AGBL1: variants seen among roughly 807,000 people sequenced by gnomAD.
The protein encoded by AGBL1 is AGBL carboxypeptidase 1, also known as cytosolic carboxypeptidase 4.
A neutral mutation model predicts 118.9 loss-of-function variants in AGBL1; 130 were observed. The ratio of observed to expected loss-of-function variants is 1.09; its 90% CI spans 0.95 to 1.26. The LOEUF (loss-of-function observed/expected upper bound fraction) is 1.26, where lower values mean the gene tolerates loss of function less well. AGBL1 is among the 50% of genes most tolerant of loss of function. AGBL1 has a pLI of 0.00. For missense variants in AGBL1, 1,584 were observed against 1,298.1 expected (o/e 1.22, Z -3.38); for synonymous variants, 555 against 478.9 (o/e 1.16, Z -2.08).
intron 5 of AGBL1, among the ~76,000 whole-genome samples, chr15:86,214,574 A>T (rs1383718935): frequency 6.6e-6 from 1 of 152,246 alleles, no homozygotes; most frequent in Non-Finnish European, 1.5e-5. Context: ...TCACACCTCT[A>T]TGTAGAAAGA....
intron 22 of AGBL1, among the ~76,000 whole-genome samples, chr15:86,793,019 A>G (rs1053653340): frequency 2.6e-5 from 4 of 152,222 alleles, no homozygotes; most frequent in Non-Finnish European, 4.4e-5. Context: ...GTTAAAAAAA[A>G]TAGTAACCGT....
chr15:86,870,744 C>A (rs1302857973), intron 22 of AGBL1, among the ~76,000 whole-genome samples: 3 of 152,118 alleles, frequency 2.0e-5, no homozygotes, highest in African/African-American at 4.8e-5. Flanking sequence ...AATCATGGCC[C>A]TGATTTCTTT....
intron 18 of AGBL1, among the ~76,000 whole-genome samples, chr15:86,416,847 C>T (rs139749875): frequency 4.2e-4 from 64 of 152,226 alleles, no homozygotes; most frequent in Non-Finnish European, 6.0e-4. Flanking sequence ...CTTAGCAATT[C>T]GATGCTATGT....
chr15:86,992,482 C>T (rs779999523), intron 24 of AGBL1, among the ~76,000 whole-genome samples: 12 of 152,164 alleles, frequency 7.9e-5, no homozygotes, highest in Non-Finnish European at 1.2e-4. Context: ...GCACTGAACA[C>T]AGTACTAGAT....
intron 22 of AGBL1, among the ~76,000 whole-genome samples, chr15:86,775,130 T>C (rs1399612086): frequency 6.6e-6 from 1 of 152,022 alleles, no homozygotes; most frequent in Non-Finnish European, 1.5e-5. Flanking sequence ...GTTAAACAAA[T>C]GATTTGAAGG....
intron 23 of AGBL1, among the ~76,000 whole-genome samples, chr15:86,966,158 G>A (rs1364301199): frequency 1.3e-5 from 2 of 151,820 alleles, no homozygotes; most frequent in Admixed American, 6.6e-5. Context: ...AGCAATAAAG[G>A]CTAAGGTATC....
At chr15:86,522,688 T>A (rs940518380) in intron 18 of AGBL1, 122 bp from the exon 19 acceptor site, 6 of 1,261,574 alleles carry the variant, frequency 4.8e-6, no homozygotes, top group Non-Finnish European at 6.5e-6. Context: ...TGATGCCAAT[T>A]GGGAAGAAAT....
chr15:86,396,105 A>ATGTG (rs1273563073), intron 17 of AGBL1, among the ~76,000 whole-genome samples: 2 of 148,374 alleles, frequency 1.3e-5, no homozygotes, highest in Non-Finnish European at 3.0e-5. Flanking sequence ...TATTGTATCT[A>ATGTG]TGTGTGTGTG....
intron 22 of AGBL1, among the ~76,000 whole-genome samples, chr15:86,677,513 CA>C (rs2085870152): frequency 6.6e-6 from 1 of 152,140 alleles, no homozygotes; most frequent in African/African-American, 2.4e-5. Context: ...AGGTCTTTTG[CA>C]AAGTCACTTA....
At chr15:86,905,815 T>C (rs568242926) in intron 22 of AGBL1, among the ~76,000 whole-genome samples, 83 of 152,290 alleles carry the variant, frequency 5.5e-4, no homozygotes, top group African/African-American at 1.9e-3. Flanking sequence ...GTGTTGCAGC[T>C]GGGGCAGCTC....
At chr15:86,308,792 A>G (rs1009025292) in intron 17 of AGBL1, among the ~76,000 whole-genome samples, 1 of 152,134 alleles carries the variant, frequency 6.6e-6, no homozygotes, top group Non-Finnish European at 1.5e-5. Flanking sequence ...GTTCGTTTTT[A>G]TGATAGTACC....
At chr15:86,251,220 T>G (rs1366984969) in intron 7 of AGBL1, among the ~76,000 whole-genome samples, 1 of 152,166 alleles carries the variant, frequency 6.6e-6, no homozygotes, top group Non-Finnish European at 1.5e-5. Context: ...TTCGCAAAGC[T>G]CATAAGTGTT....
chr15:86,389,778 A>G (rs1314187152), intron 17 of AGBL1, among the ~76,000 whole-genome samples: 4 of 152,124 alleles, frequency 2.6e-5, no homozygotes, highest in Non-Finnish European at 4.4e-5. Context: ...AGAAGGATGT[A>G]TAACTTAAGC....
chr15:86,410,854 T>A (rs368733272), intron 18 of AGBL1, among the ~76,000 whole-genome samples: 8 of 108,060 alleles, frequency 7.4e-5, no homozygotes, highest in Non-Finnish European at 1.1e-4. Context: ...TATACTATTT[T>A]ATATATAAAA....
intron 22 of AGBL1, among the ~76,000 whole-genome samples, chr15:86,800,118 CA>C (rs1567179720): frequency 6.6e-6 from 1 of 151,906 alleles, no homozygotes; most frequent in Admixed American, 6.6e-5. Context: ...TTCCCTTTAG[CA>C]AAAAACACCT....
At chr15:86,132,329 A>G (rs927165853) in intron 1 of AGBL1, among the ~76,000 whole-genome samples, 7 of 152,058 alleles carry the variant, frequency 4.6e-5, no homozygotes, top group African/African-American at 1.4e-4. Flanking sequence ...TTGTCCATGT[A>G]TGTTTTGGAG....
At chr15:86,980,431 G>A (rs552440984) in intron 23 of AGBL1, among the ~76,000 whole-genome samples, 123 of 152,290 alleles carry the variant, frequency 8.1e-4, no homozygotes, top group Non-Finnish European at 1.4e-3. Flanking sequence ...ATACTGCAAA[G>A]GGGCTGCAAA....
intron 18 of AGBL1, among the ~76,000 whole-genome samples, chr15:86,439,928 G>A (rs1041149543): frequency 6.6e-6 from 1 of 152,112 alleles, no homozygotes; most frequent in Non-Finnish European, 1.5e-5. Context: ...AACGGCCAGA[G>A]GGTTCCTGAA....
chr15:86,397,802 A>T (rs1184841567), intron 18 of AGBL1, among the ~76,000 whole-genome samples: 1 of 152,172 alleles, frequency 6.6e-6, no homozygotes, highest in African/African-American at 2.4e-5. Flanking sequence ...TCTGGGCAAC[A>T]CAGTGAGACC....
Sources: allele counts gnomAD v4.1 joint callset (sites outside exome capture counted in the v4.1 genomes callset), GRCh38; gene constraint gnomAD v4.1.1; transcripts MANE v1.5; gene names NCBI Gene and HGNC (gene_info 2026-07-23, HGNC 2026-07-21).